CWF19L2: variants seen among roughly 807,000 people sequenced by gnomAD.
CWF19L2 encodes CWF19 like cell cycle control factor 2.
A neutral mutation model predicts 111.7 loss-of-function variants in CWF19L2; 98 were observed. That is an observed-to-expected ratio of 0.88 (90% confidence interval 0.75 to 1.04). The LOEUF is 1.04. Ranked by LOEUF, CWF19L2 falls within the 50% of genes least tolerant of loss-of-function variation. CWF19L2 has a pLI of 0.00. For synonymous variants in CWF19L2, 351 were observed against 342.9 expected (o/e 1.02, Z -0.26); for missense variants, 1,101 against 1,051.4 (o/e 1.05, Z -0.65).
intron 8 of CWF19L2, among the ~76,000 whole-genome samples, chr11:107,426,292 CTG>C (rs1394678508): frequency 6.6e-6 from 1 of 151,800 alleles, no homozygotes; most frequent in African/African-American, 2.4e-5. Flanking sequence ...ATCAAAGAGT[CTG>C]TTTCTCAACT....
At chr11:107,444,705 T>A (rs1241205902) in intron 3 of CWF19L2, among the ~76,000 whole-genome samples, 1 of 152,238 alleles carries the variant, frequency 6.6e-6, no homozygotes. Flanking sequence ...AAGATAAAGC[T>A]ATCCTCTTCT....
intron 9 of CWF19L2, among the ~76,000 whole-genome samples, chr11:107,416,658 TAA>T (rs1401775074): frequency 6.6e-6 from 1 of 152,254 alleles, no homozygotes; most frequent in Non-Finnish European, 1.5e-5. Context: ...TCACAAGATT[TAA>T]ACTGTTACCT....
chr11:107,418,619 T>TA, intron 8 of CWF19L2, among the ~76,000 whole-genome samples: 1 of 152,256 alleles, frequency 6.6e-6, no homozygotes, highest in African/African-American at 2.4e-5. Flanking sequence ...AACCAGGCCA[T>TA]AATTCTATAC....
intron 10 of CWF19L2, among the ~76,000 whole-genome samples, chr11:107,402,873 G>GTGTGTATATATATATATATA (rs1247886311): frequency 1.2e-4 from 11 of 94,442 alleles, no homozygotes; most frequent in South Asian, 6.1e-4. Context: ...ACTGTGGTGT[G>GTGTGTATATATATATATATA]TATATATATA....
intron 12 of CWF19L2, among the ~76,000 whole-genome samples, chr11:107,384,877 AACTAG>A (rs1164910348): frequency 1.3e-5 from 2 of 152,186 alleles, no homozygotes; most frequent in Non-Finnish European, 1.5e-5. Flanking sequence ...AATGACTTTA[AACTAG>A]ACTAATCATT....
At chr11:107,406,818 T>C (rs1240258089) in intron 10 of CWF19L2, among the ~76,000 whole-genome samples, 1 of 151,670 alleles carries the variant, frequency 6.6e-6, no homozygotes, top group African/African-American at 2.4e-5. Context: ...AATCTATCCT[T>C]TGTATATCGT....
rs144259680 is a variant in CWF19L2, at chr11:107,442,882, GAGGA to G, written c.450+53_450+56del. On this transcript the variant is annotated intron_variant, in intron 4 of 17. Transcript: ENST00000282251. ...ATAGAGAGGGAAGGAGGGAGGGAGG[GAGGA>G]AGGAAGGAAGGAAGGAAGAAAGCAA... 113 of 706,696 alleles carry G rather than the reference GAGGA, an allele frequency of 1.6e-4. 1 individual carries two copies. The highest frequency in any genetic ancestry group is 1.1e-3 in the Admixed American group (44 of 39,642). The allele number at this position is 706,696 out of a possible 1,614,324, so 43.8% of individuals were successfully genotyped here. A position where few individuals can be genotyped will look rare whatever the true frequency, so the allele number is the denominator to read the frequency against.
chr11:107,417,758 AT>A (rs10537173), intron 9 of CWF19L2, among the ~76,000 whole-genome samples: 40,004 of 146,756 alleles, frequency 0.27, 5,494 homozygotes, highest in East Asian at 0.45. Context: ...AGGTTCGAGA[AT>A]TTTTTTTTTT....
At chr11:107,399,047 C>T (rs1171815285) in intron 10 of CWF19L2, among the ~76,000 whole-genome samples, 1 of 152,104 alleles carries the variant, frequency 6.6e-6, no homozygotes, top group African/African-American at 2.4e-5. Context: ...GTTCCTTTTG[C>T]TAAAAGGAGC....
intron 3 of CWF19L2, among the ~76,000 whole-genome samples, chr11:107,453,440 A>G (rs568813719): frequency 7.3e-4 from 111 of 152,108 alleles, no homozygotes; most frequent in African/African-American, 2.6e-3. Context: ...GAGAGAGAAG[A>G]GTAAATACAG....
chr11:107,422,716 A>G (rs11212222), intron 8 of CWF19L2, among the ~76,000 whole-genome samples: 6,139 of 152,134 alleles, frequency 0.04, 157 homozygotes, highest in East Asian at 0.11. Context: ...AATACTCTAT[A>G]AAAATTAACC....
chr11:107,356,853 C>T (rs1220428273), intron 12 of CWF19L2, among the ~76,000 whole-genome samples: 3 of 152,046 alleles, frequency 2.0e-5, no homozygotes, highest in Non-Finnish European at 4.4e-5. Context: ...ACCTGACCAA[C>T]ATGGAGAAAC....
intron 12 of CWF19L2, among the ~76,000 whole-genome samples, chr11:107,362,409 G>A (rs1480426789): frequency 1.3e-5 from 2 of 152,078 alleles, no homozygotes; most frequent in East Asian, 2.0e-4. Flanking sequence ...AACCTCTGCA[G>A]ACTTAAATGT....
intron 12 of CWF19L2, among the ~76,000 whole-genome samples, chr11:107,364,312 C>A (rs11493850): frequency 0.56 from 78,859 of 141,710 alleles, 25,296 homozygotes; most frequent in African/African-American, 0.76. Context: ...TCAGCTCTGC[C>A]TCAAGCGGAC....
chr11:107,361,230 T>A (rs370345518), intron 12 of CWF19L2, among the ~76,000 whole-genome samples: 4 of 152,268 alleles, frequency 2.6e-5, no homozygotes, highest in African/African-American at 7.2e-5. Context: ...CCGGTGTATG[T>A]TCGTGTCAAC....
At chr11:107,453,748 G>A (rs1392696637) in intron 3 of CWF19L2, among the ~76,000 whole-genome samples, 1 of 151,896 alleles carries the variant, frequency 6.6e-6, no homozygotes, top group East Asian at 2.0e-4. Context: ...CCACGCCTTG[G>A]CTCTTGGATA....
rs1459187046 is a variant in CWF19L2, at chr11:107,375,791, T to C, written c.1872+14283A>G. Among the ~76,000 whole-genome samples, 9 of 94,246 alleles carry C rather than the reference T, an allele frequency of 9.5e-5. 2 individuals are homozygous for C. The highest frequency in any genetic ancestry group is 1.9e-4 in the Non-Finnish European group (9 of 47,356). 61.8% of individuals were successfully genotyped at this position (94,246 alleles called of 152,430 possible). A position where few individuals can be genotyped will look rare whatever the true frequency, so the allele number is the denominator to read the frequency against. ...AAAATCAGAGCAGAACTGAAGGAAA[T>C]AGAGACACAAAAAACCCTTCAAAAA... On this transcript the variant is annotated intron_variant, in intron 12 of 17. Coordinates refer to ENST00000282251, the MANE Select transcript of CWF19L2 (RefSeq NM_152434.3).
rs562436786 is a variant in CWF19L2, at chr11:107,417,069, T to A, written c.1528-771A>T. Among the ~76,000 whole-genome samples, 11 of 152,322 alleles carry A rather than the reference T, an allele frequency of 7.2e-5. No homozygotes were observed. In the South Asian group the frequency reaches 2.3e-3, roughly 32 times the overall value. On this transcript the variant is annotated intron_variant, in intron 9 of 17. Transcript: ENST00000282251. ...CAGCATATGCAAGATATGCCCTTTA[T>A]TAGACATAACACAGAAATATCTTGT... is the stretch of plus-strand genomic sequence containing the variant.
chr11:107,388,519 A>C (rs1304694121), intron 12 of CWF19L2, among the ~76,000 whole-genome samples: 2 of 152,006 alleles, frequency 1.3e-5, no homozygotes, highest in African/African-American at 4.8e-5. Context: ...AGTAGATGGG[A>C]CTACAAGTGC....
Sources: gnomAD v4.1 joint callset for allele counts (sites outside exome capture counted in the v4.1 genomes callset) on GRCh38, gnomAD v4.1.1 for gene constraint, MANE v1.5 for transcripts, NCBI Gene and HGNC (gene_info 2026-07-23, HGNC 2026-07-21) for gene names.